Variants in SNTG1 observed in about 807,000 individuals in gnomAD.
SNTG1 encodes the protein gamma-1-syntrophin.
A neutral mutation model predicts 74.7 loss-of-function variants in SNTG1; 39 were observed. The ratio of observed to expected loss-of-function variants is 0.52; its 90% CI spans 0.40 to 0.68. The LOEUF (loss-of-function observed/expected upper bound fraction) is 0.68, where lower values mean the gene tolerates loss of function less well. SNTG1 is among the 30% of genes least tolerant of loss of function. The probability of loss-of-function intolerance (pLI) is 0.00; values close to 1 mark genes in which losing one functional copy is unlikely to be tolerated. For missense variants in SNTG1, 685 were observed against 609.5 expected, an observed-to-expected ratio of 1.12 and a Z score of -1.30; for synonymous variants, 254 against 217.1, an observed-to-expected ratio of 1.17 and a Z score of -1.49.
intron 2 of SNTG1, among the ~76,000 whole-genome samples, chr8:50,205,181 C>G (rs764333322): frequency 1.3e-5 from 2 of 152,186 alleles, no homozygotes; most frequent in Non-Finnish European, 2.9e-5. Flanking sequence ...TTTACAGTCC[C>G]AACAGCAGTG....
intron 2 of SNTG1, among the ~76,000 whole-genome samples, chr8:50,183,594 C>A (rs893414920): frequency 4.6e-5 from 7 of 152,152 alleles, no homozygotes; most frequent in African/African-American, 1.4e-4. Context: ...CATTTACATA[C>A]CTTCCCAGCG....
Position 50,167,633 on chromosome 8 carries a change from CG to C in SNTG1, c.-102-4927del, listed in dbSNP as rs1269410678. 4.4e-3 allele frequency among the ~76,000 whole-genome samples: 629 copies of C among 143,162 alleles called. 5 individuals are homozygous for C. The highest frequency in any genetic ancestry group is 0.016 in the African/African-American group (598 of 38,460). 93.9% of individuals were successfully genotyped at this position (143,162 alleles called of 152,430 possible). A position where few individuals can be genotyped will look rare whatever the true frequency, so the allele number is the denominator to read the frequency against. On this transcript the variant is annotated intron_variant, in intron 1 of 18. Transcript: ENST00000642720. ...GCAACAGAACAAAACCTCATCGCTA[CG>C]AAAAAAAAAAAAAATACAAAATACA...
At chr8:50,426,207 C>A (rs566495827) in intron 4 of SNTG1, among the ~76,000 whole-genome samples, 2 of 152,222 alleles carry the variant, frequency 1.3e-5, no homozygotes, top group Non-Finnish European at 2.9e-5. Context: ...GCATCCAGGA[C>A]ACCTCTGTAT....
chr8:49,969,694 G>T (rs893133194), intron 1 of SNTG1, among the ~76,000 whole-genome samples: 8 of 152,010 alleles, frequency 5.3e-5, no homozygotes, highest in Admixed American at 3.3e-4. Flanking sequence ...ACCATGCCTC[G>T]CCATTCACTT....
At chr8:49,947,967 C>G (rs1485221246) in intron 1 of SNTG1, among the ~76,000 whole-genome samples, 1 of 151,986 alleles carries the variant, frequency 6.6e-6, no homozygotes, top group Non-Finnish European at 1.5e-5. Flanking sequence ...CCCCTCTCTA[C>G]TAAAAATACA....
At chr8:50,775,032 T>C (rs547500654) in intron 18 of SNTG1, among the ~76,000 whole-genome samples, 1 of 150,838 alleles carries the variant, frequency 6.6e-6, no homozygotes, top group Non-Finnish European at 1.5e-5. Flanking sequence ...ACATATATAG[T>C]GTTATAACCC....
intron 1 of SNTG1, among the ~76,000 whole-genome samples, chr8:49,929,867 TC>T (rs1437636496): frequency 8.4e-5 from 4 of 47,900 alleles, no homozygotes; most frequent in Non-Finnish European, 1.1e-4. Context: ...CCCTCCCCCC[TC>T]CCCCCACCCC....
At chr8:50,670,757 AAAGCTG>A (rs1382198549) in intron 15 of SNTG1, among the ~76,000 whole-genome samples, 1 of 149,110 alleles carries the variant, frequency 6.7e-6, no homozygotes, top group Non-Finnish European at 1.5e-5. Flanking sequence ...CCAAAAGAAC[AAAGCTG>A]GAGGCATCAC....
chr8:50,024,839 T>C (rs961340673), intron 1 of SNTG1, among the ~76,000 whole-genome samples: 10 of 152,136 alleles, frequency 6.6e-5, no homozygotes, highest in Non-Finnish European at 1.2e-4. Flanking sequence ...GGTGGGCAAG[T>C]AGTGTAGACA....
At chr8:50,527,695 A>G (rs995996565) in intron 9 of SNTG1, among the ~76,000 whole-genome samples, 1 of 152,056 alleles carries the variant, frequency 6.6e-6, no homozygotes, top group Non-Finnish European at 1.5e-5. Flanking sequence ...TGTAAAGATC[A>G]TTTGGCTATT....
chr8:50,777,612 A>G (rs1428077305), intron 18 of SNTG1, among the ~76,000 whole-genome samples: 2 of 150,976 alleles, frequency 1.3e-5, no homozygotes, highest in African/African-American at 4.9e-5. Flanking sequence ...TCTAAAATCT[A>G]TGTCATCTCA....
chr8:49,998,049 G>C, intron 1 of SNTG1, among the ~76,000 whole-genome samples: 1 of 152,144 alleles, frequency 6.6e-6, no homozygotes, highest in Non-Finnish European at 1.5e-5. Context: ...ATAGCCTATT[G>C]CTCTTAGGCT....
rs1473729808 is a variant in SNTG1 at position 50,221,512 on chromosome 8, T to TACACAAACAC, written c.-28+48882_-28+48883insAACACACACA. On this transcript the variant is annotated intron_variant, in intron 2 of 18. Transcript: ENST00000642720. ...TCTGCTACCCCTCCCAACACACACA[T>TACACAAACAC]ACACACACACACACACACACACACA... Among the ~76,000 whole-genome samples the TACACAAACAC allele has an allele frequency of 1.6e-3, 209 of 130,204 alleles. 1 individual carries two copies. The highest frequency in any genetic ancestry group is 5.3e-3 in the African/African-American group (195 of 36,916). The allele number at this position is 130,204 out of a possible 152,430, so 85.4% of individuals were successfully genotyped here. A position where few individuals can be genotyped will look rare whatever the true frequency, so the allele number is the denominator to read the frequency against.
intron 2 of SNTG1, among the ~76,000 whole-genome samples, chr8:50,364,517 CTTTAG>C (rs928356933): frequency 5.9e-5 from 9 of 151,992 alleles, no homozygotes; most frequent in Non-Finnish European, 7.4e-5. Context: ...GTGAGAACAA[CTTTAG>C]TTTATGTGTT....
chr8:50,355,719 G>T (rs2091798689), intron 2 of SNTG1, among the ~76,000 whole-genome samples: 1 of 152,200 alleles, frequency 6.6e-6, no homozygotes, highest in Admixed American at 6.5e-5. Context: ...TCAGCTGTGG[G>T]ATTTGACCTA....
At chr8:49,974,718 A>C (rs2130020584) in intron 1 of SNTG1, among the ~76,000 whole-genome samples, 1 of 152,134 alleles carries the variant, frequency 6.6e-6, no homozygotes. Flanking sequence ...AAATCCAACG[A>C]CTCTATTTAA....
intron 1 of SNTG1, among the ~76,000 whole-genome samples, chr8:50,005,457 C>G (rs1815127703): frequency 7.8e-6 from 1 of 128,844 alleles, no homozygotes; most frequent in Non-Finnish European, 1.7e-5. Context: ...ATGACATAGT[C>G]TACAGGTATT....
chr8:50,653,889 C>T (rs936320627), intron 13 of SNTG1, among the ~76,000 whole-genome samples: 2 of 152,090 alleles, frequency 1.3e-5, no homozygotes, highest in Non-Finnish European at 2.9e-5. Context: ...AGAAGCTAAA[C>T]GATGTGTGGT....
intron 4 of SNTG1, among the ~76,000 whole-genome samples, chr8:50,429,325 G>A (rs2093204667): frequency 6.6e-6 from 1 of 152,046 alleles, no homozygotes; most frequent in South Asian, 2.1e-4. Context: ...TGAGAGTTCA[G>A]AAATAAACAA....
Sources: gnomAD v4.1 joint callset for allele counts (sites outside exome capture counted in the v4.1 genomes callset) on GRCh38, gnomAD v4.1.1 for gene constraint, MANE v1.5 for transcripts, NCBI Gene and HGNC (gene_info 2026-07-23, HGNC 2026-07-21) for gene names.